Variants in GTF2E2 observed in about 807,000 individuals in gnomAD.
The protein encoded by GTF2E2 is transcription initiation factor IIE subunit beta.
In GTF2E2, 21 loss-of-function variants were observed where a neutral mutation model predicts 40.5. The observed-to-expected ratio is 0.52, with a 90% CI of 0.37 to 0.75. The LOEUF is 0.75. GTF2E2 is among the 30% of genes least tolerant of loss of function. GTF2E2 has a pLI of 0.00. For missense variants in GTF2E2, 298 were observed against 338.4 expected, an observed-to-expected ratio of 0.88 and a Z score of 0.94; for synonymous variants, 117 against 121.6, an observed-to-expected ratio of 0.96 and a Z score of 0.25.
chr8:30,657,989 G>A lies in GTF2E2; in HGVS notation c.-21C>T, dbSNP rs144143653. On this transcript the variant is annotated 5_prime_UTR_variant, in exon 1 of 8. Transcript: ENST00000355904. ...AGCCCCTACCTGAGTGAGAAGGGCA[G>A]CCTCGCACGACTCGCCGCCCCCTTC... 402 of 154,386 alleles carry A rather than the reference G, an allele frequency of 2.6e-3. 2 individuals are homozygous for A. Among genetic ancestry groups the A allele is most frequent in the Non-Finnish European group, 4.2e-3 (293 of 69,592 alleles). The allele number at this position is 154,386 out of a possible 1,614,324, so 9.6% of individuals were successfully genotyped here.
intron 6 of GTF2E2, among the ~76,000 whole-genome samples, chr8:30,590,116 C>T (rs549697008): frequency 2.6e-5 from 4 of 152,296 alleles, no homozygotes; most frequent in South Asian, 4.1e-4. Flanking sequence ...ACTCTCTCCA[C>T]GGGCAGCCCC....
intron 6 of GTF2E2, among the ~76,000 whole-genome samples, chr8:30,592,476 A>G (rs558740010): frequency 3.3e-5 from 5 of 152,298 alleles, no homozygotes; most frequent in Admixed American, 6.5e-5. Context: ...GCTCACACAC[A>G]TCGTTCACGT....
chr8:30,636,000 C>T (rs1000679994), intron 2 of GTF2E2, among the ~76,000 whole-genome samples: 3 of 152,130 alleles, frequency 2.0e-5, no homozygotes, highest in Non-Finnish European at 4.4e-5. Flanking sequence ...AACATGGATG[C>T]TTACTTTAAA....
intron 1 of GTF2E2, chr8:30,656,827 A>AAAG (rs1802463825): frequency 6.6e-6 from 1 of 150,760 alleles, no homozygotes. Context: ...AAAAAAAAAA[A>AAAG]GTAAATAAAG....
intron 6 of GTF2E2, among the ~76,000 whole-genome samples, chr8:30,581,937 C>T (rs1186776254): frequency 6.6e-6 from 1 of 152,172 alleles, no homozygotes; most frequent in Non-Finnish European, 1.5e-5. Flanking sequence ...AAGACTTCAA[C>T]GATTTGACTA....
At chr8:30,590,490 A>ACTATTT (rs1457167786) in intron 6 of GTF2E2, among the ~76,000 whole-genome samples, 1 of 152,150 alleles carries the variant, frequency 6.6e-6, no homozygotes, top group East Asian at 1.9e-4. Flanking sequence ...ATCTATACCT[A>ACTATTT]CTATTTAGCT....
intron 6 of GTF2E2, among the ~76,000 whole-genome samples, chr8:30,581,197 A>T (rs1194733409): frequency 6.6e-6 from 1 of 152,194 alleles, no homozygotes; most frequent in African/African-American, 2.4e-5. Flanking sequence ...AAAAAGGAAA[A>T]GCTCTCTGAG....
chr8:30,591,801 A>G (rs1828858860), intron 6 of GTF2E2, among the ~76,000 whole-genome samples: 1 of 152,248 alleles, frequency 6.6e-6, no homozygotes, highest in African/African-American at 2.4e-5. Context: ...ATGAAAACAC[A>G]TGTCCACACA....
intron 6 of GTF2E2, among the ~76,000 whole-genome samples, chr8:30,601,074 A>G (rs1829166303): frequency 6.6e-6 from 1 of 152,214 alleles, no homozygotes; most frequent in South Asian, 2.1e-4. Flanking sequence ...TGTTTTTGTT[A>G]CTGATTTACG....
At position 30,578,735 on chromosome 8, in the gene GTF2E2, A is replaced by G; in HGVS notation, c.*186T>C. 1.9e-6 allele frequency: 1 copy of G among 514,576 alleles called. No individual in the cohort carries two copies. The highest frequency in any genetic ancestry group is 2.3e-5 in the South Asian group (1 of 42,826). 31.9% of individuals were successfully genotyped at this position (514,576 alleles called of 1,614,324 possible). A position where few individuals can be genotyped will look rare whatever the true frequency, so the allele number is the denominator to read the frequency against. On this transcript the variant is annotated 3_prime_UTR_variant, in exon 8 of 8. Transcript: ENST00000355904. Reference sequence around the variant, plus strand: ...ACAGAAGGTTAACAGGGAACATCACATTGCCCATGAGCCCATTCTACTCAA... The same window carrying G: ...ACAGAAGGTTAACAGGGAACATCACGTTGCCCATGAGCCCATTCTACTCAA...
intron 5 of GTF2E2, among the ~76,000 whole-genome samples, chr8:30,608,402 A>G (rs1471128613): frequency 2.0e-5 from 3 of 152,230 alleles, no homozygotes; most frequent in African/African-American, 7.2e-5. Context: ...ATATGACAGT[A>G]TTCTTCTTTT....
At chr8:30,585,756 G>GT (rs1191075523) in intron 6 of GTF2E2, among the ~76,000 whole-genome samples, 2 of 121,018 alleles carry the variant, frequency 1.7e-5, no homozygotes, top group Non-Finnish European at 3.2e-5. Flanking sequence ...TAGCATTAAG[G>GT]TACATCTTTG....
intron 6 of GTF2E2, among the ~76,000 whole-genome samples, chr8:30,594,987 GTT>G (rs1207013539): frequency 6.9e-4 from 105 of 152,070 alleles, no homozygotes; most frequent in Non-Finnish European, 1.1e-3. Flanking sequence ...CTTCACCACT[GTT>G]TCTATCTGTT....
At chr8:30,645,160 A>C (rs1295123427) in intron 2 of GTF2E2, 2 of 849,872 alleles carry the variant, frequency 2.4e-6, no homozygotes, top group African/African-American at 3.4e-5. Flanking sequence ...ACTACCATTT[A>C]GGCATTAATT....
intron 4 of GTF2E2, among the ~76,000 whole-genome samples, chr8:30,613,265 T>C (rs776293582): frequency 1.3e-5 from 2 of 152,238 alleles, no homozygotes; most frequent in Non-Finnish European, 2.9e-5. Context: ...TGCTATCAAC[T>C]GGCAATGGCA....
chr8:30,591,782 C>T (rs1276989005), intron 6 of GTF2E2, among the ~76,000 whole-genome samples: 1 of 152,090 alleles, frequency 6.6e-6, no homozygotes, highest in Non-Finnish European at 1.5e-5. Context: ...AGGTATATAC[C>T]TAAGAGAAAT....
chr8:30,578,688 A>G lies in GTF2E2; in HGVS notation c.*233T>C. 2.4e-6 allele frequency: 1 copy of G among 411,176 alleles called. No individual in the cohort carries two copies. The highest frequency in any genetic ancestry group is 4.4e-6 in the Non-Finnish European group (1 of 226,182). The allele number at this position is 411,176 out of a possible 1,614,324, so 25.5% of individuals were successfully genotyped here. ...GCAAAGACACCTGCATGCCACGCTC[A>G]GCGCCTTTCTCCCAGGGAGTAACAG... On this transcript the variant is annotated 3_prime_UTR_variant, in exon 8 of 8. Coordinates refer to ENST00000355904, the MANE Select transcript of GTF2E2 (RefSeq NM_002095.6).
At chr8:30,590,120 C>A (rs919626398) in intron 6 of GTF2E2, among the ~76,000 whole-genome samples, 1 of 152,202 alleles carries the variant, frequency 6.6e-6, no homozygotes, top group African/African-American at 2.4e-5. Flanking sequence ...TCTCCACGGG[C>A]AGCCCCTGAT....
intron 5 of GTF2E2, among the ~76,000 whole-genome samples, chr8:30,609,261 G>A (rs1278339007): frequency 1.2e-4 from 7 of 60,380 alleles, no homozygotes; most frequent in Middle Eastern, 6.8e-3. Context: ...AAGAGACTCC[G>A]CCTCAAAAAA....
Sources: allele counts gnomAD v4.1 joint callset (sites outside exome capture counted in the v4.1 genomes callset), GRCh38; gene constraint gnomAD v4.1.1; transcripts MANE v1.5; gene names NCBI Gene and HGNC (gene_info 2026-07-23, HGNC 2026-07-21).